DOCK1: variants seen among roughly 807,000 people sequenced by gnomAD.
DOCK1 encodes dedicator of cytokinesis 1.
Under a neutral mutation model 262.7 loss-of-function variants are expected in DOCK1, and 138 were observed. That is an observed-to-expected ratio of 0.53 (90% CI 0.46 to 0.61). The LOEUF (loss-of-function observed/expected upper bound fraction) is 0.61, where lower values mean the gene tolerates loss of function less well. Ranked by LOEUF, DOCK1 falls within the 20% of genes least tolerant of loss-of-function variation. DOCK1 has a pLI of 0.00. For synonymous variants in DOCK1, 866 were observed against 867.4 expected (o/e 1.00, Z 0.03); for missense variants, 1,908 against 2,370.7 (o/e 0.80, Z 4.05).
intron 27 of DOCK1, among the ~76,000 whole-genome samples, chr10:127,199,800 C>T (rs2057372603): frequency 6.6e-6 from 1 of 152,218 alleles, no homozygotes; most frequent in Admixed American, 6.5e-5. Flanking sequence ...TGCTTCCTGT[C>T]TCAGTGTGAC....
intron 29 of DOCK1, among the ~76,000 whole-genome samples, chr10:127,336,007 T>G (rs1170771443): frequency 6.6e-6 from 1 of 151,870 alleles, no homozygotes; most frequent in African/African-American, 2.4e-5. Context: ...TGAGCCACCA[T>G]GCCCAGCCTG....
At chr10:126,929,010 G>C (rs1160348319) in intron 1 of DOCK1, among the ~76,000 whole-genome samples, 13 of 152,292 alleles carry the variant, frequency 8.5e-5, no homozygotes, top group African/African-American at 3.1e-4. Context: ...CTCATTTGAC[G>C]AGGGCCTCTC....
rs1441907880 is a variant in DOCK1 at position 126,941,859 on chromosome 10, C to T, written c.47-28843C>T. On this transcript the variant is annotated intron_variant, in intron 1 of 51. Transcript: ENST00000623213. ...CTTTCCTAGACAACTTTGCCTTTCT[C>T]AGCCCGCCTTTGCAGGTGAGGTGCT... Among the ~76,000 whole-genome samples the T allele has an allele frequency of 2.6e-5, 4 of 152,268 alleles. 1 individual carries two copies. In the East Asian group the frequency reaches 7.7e-4, roughly 29 times the overall value.
chr10:127,128,840 A>G (rs901907665), intron 27 of DOCK1, among the ~76,000 whole-genome samples: 2 of 152,236 alleles, frequency 1.3e-5, no homozygotes, highest in Non-Finnish European at 2.9e-5. Context: ...ACTTGGAACC[A>G]ACCTGAATGC....
At position 127,125,369 on chromosome 10, in the gene DOCK1, CACA is replaced by C. The variant is rs35263600; in HGVS notation, c.2624-102_2624-100del. On this transcript the variant is annotated intron_variant, in intron 25 of 51. Coordinates refer to ENST00000623213, the MANE Select transcript of DOCK1 (RefSeq NM_001290223.2). ...CTCCAGATGTCAGTTCCACGTGTTG[CACA>C]ACGTGAATGCAAACTGCTTGAAAGG... is the stretch of plus-strand genomic sequence containing the variant. 1.5e-3 allele frequency: 2,228 copies of C among 1,523,120 alleles called. 31 individuals carry two copies. The African/African-American group carries it at 0.027, about 18-fold the overall frequency. The allele number at this position is 1,523,120 out of a possible 1,614,324, so 94.4% of individuals were successfully genotyped here.
At chr10:126,997,955 A>G in intron 7 of DOCK1, 137 bp from the exon 8 acceptor site, 1 of 1,115,320 alleles carries the variant, frequency 9.0e-7, no homozygotes, top group Non-Finnish European at 1.3e-6. Context: ...AGGGGAGATA[A>G]GAAAGTGACT....
intron 23 of DOCK1, among the ~76,000 whole-genome samples, chr10:127,101,527 C>A (rs1336470239): frequency 6.6e-6 from 1 of 152,204 alleles, no homozygotes; most frequent in Non-Finnish European, 1.5e-5. Context: ...ATTTTGGGAT[C>A]ACTGGCATTC....
chr10:127,328,144 C>T (rs989188924), intron 29 of DOCK1, among the ~76,000 whole-genome samples: 14 of 137,002 alleles, frequency 1.0e-4, no homozygotes, highest in Non-Finnish European at 1.4e-4. Context: ...AAAAAAAAAT[C>T]GGTCTCAGTT....
At chr10:127,362,829 CCACACATACA>C (rs2064545173) in intron 33 of DOCK1, among the ~76,000 whole-genome samples, 1 of 16,064 alleles carries the variant, frequency 6.2e-5, no homozygotes, top group Non-Finnish European at 1.3e-4. Context: ...GCACCCACAC[CCACACATACA>C]CACACACACA....
chr10:127,259,306 A>G (rs949294676), intron 29 of DOCK1, among the ~76,000 whole-genome samples: 7 of 152,240 alleles, frequency 4.6e-5, no homozygotes, highest in Non-Finnish European at 8.8e-5. Flanking sequence ...TGGACTTAAT[A>G]GAAAGCACTG....
At chr10:127,053,585 C>T (rs540800431) in intron 22 of DOCK1, among the ~76,000 whole-genome samples, 1 of 152,122 alleles carries the variant, frequency 6.6e-6, no homozygotes, top group East Asian at 1.9e-4. Context: ...TAAAGTAAAT[C>T]GAAGGGTTAA....
Position 127,451,578 on chromosome 10 carries a change from C to T in DOCK1, c.*151C>T. The T allele has an allele frequency of 6.7e-7, 1 of 1,484,170 alleles. No individual in the cohort carries two copies. Among genetic ancestry groups the T allele is most frequent in the Non-Finnish European group, 9.0e-7 (1 of 1,116,310 alleles). 91.9% of individuals were successfully genotyped at this position (1,484,170 alleles called of 1,614,324 possible). A position where few individuals can be genotyped will look rare whatever the true frequency, so the allele number is the denominator to read the frequency against. Reference sequence around the variant, plus strand: ...TTTCTTCAAAGGAGTTCAGTTCTCACCATGGAGTGAGTGGCCTTTAGCGTC... The same window carrying T: ...TTTCTTCAAAGGAGTTCAGTTCTCATCATGGAGTGAGTGGCCTTTAGCGTC... On this transcript the variant is annotated 3_prime_UTR_variant, in exon 52 of 52. Transcript: ENST00000623213.
chr10:127,049,148 A>G (rs898324035), intron 21 of DOCK1, among the ~76,000 whole-genome samples: 1 of 152,226 alleles, frequency 6.6e-6, no homozygotes, highest in African/African-American at 2.4e-5. Context: ...TTGTATATAT[A>G]CACATAATTG....
Position 127,261,045 on chromosome 10 carries a change from G to A in DOCK1, c.3044+3616G>A, listed in dbSNP as rs542921588. On this transcript the variant is annotated intron_variant, in intron 29 of 51. Transcript: ENST00000623213. ...TGTGGGTGTCTGTATGTGTGTACCC[G>A]TGCTCATGTGTGTGTGCATGTGGGT... Among the ~76,000 whole-genome samples the A allele has an allele frequency of 2.0e-3, 277 of 135,786 alleles. 1 individual carries two copies. The highest frequency in any genetic ancestry group is 3.3e-3 in the Non-Finnish European group (212 of 64,486). The allele number at this position is 135,786 out of a possible 152,430, so 89.1% of individuals were successfully genotyped here. A position where few individuals can be genotyped will look rare whatever the true frequency, so the allele number is the denominator to read the frequency against.
At chr10:126,918,763 A>G (rs1406708268) in intron 1 of DOCK1, among the ~76,000 whole-genome samples, 3 of 152,228 alleles carry the variant, frequency 2.0e-5, no homozygotes, top group Non-Finnish European at 4.4e-5. Flanking sequence ...TAAACACTCA[A>G]CAGCTGCTTA....
intron 29 of DOCK1, among the ~76,000 whole-genome samples, chr10:127,296,874 G>A (rs920067105): frequency 1.3e-5 from 2 of 152,196 alleles, no homozygotes; most frequent in Non-Finnish European, 2.9e-5. Flanking sequence ...CTAAAGAGCC[G>A]CTCAGCCACG....
At chr10:127,191,604 C>T (rs1234925987) in intron 27 of DOCK1, among the ~76,000 whole-genome samples, 1 of 152,122 alleles carries the variant, frequency 6.6e-6, no homozygotes, top group African/African-American at 2.4e-5. Flanking sequence ...GAAGAAGGAC[C>T]ATTGACAAAT....
intron 1 of DOCK1, among the ~76,000 whole-genome samples, chr10:126,929,829 CAT>C (rs2034050382): frequency 6.6e-6 from 1 of 152,178 alleles, no homozygotes; most frequent in South Asian, 2.1e-4. Context: ...AGTCACATAA[CAT>C]GTAGCTAACC....
Position 127,201,403 on chromosome 10 carries a change from T to G in DOCK1, c.2848-46605T>G, listed in dbSNP as rs559323477. On this transcript the variant is annotated intron_variant, in intron 27 of 51. Transcript: ENST00000623213. ...GGTCCATGTTCCAGGGCCATGCCAC[T>G]CCTCTGGCTTTCTTTTCCTTTCATG... is the stretch of plus-strand genomic sequence containing the variant. Among the ~76,000 whole-genome samples, 6 of 152,306 alleles carry G rather than the reference T, an allele frequency of 3.9e-5. No individual in the cohort carries two copies. The East Asian group carries it at 7.7e-4, about 20-fold the overall frequency.
Sources: gnomAD v4.1 joint callset for allele counts (sites outside exome capture counted in the v4.1 genomes callset) on GRCh38, gnomAD v4.1.1 for gene constraint, MANE v1.5 for transcripts, NCBI Gene and HGNC (gene_info 2026-07-23, HGNC 2026-07-21) for gene names.